Variants in NCOR2 observed in about 807,000 individuals in gnomAD.
NCOR2 encodes nuclear receptor corepressor 2, also known as CTG repeat protein 26.
In NCOR2, 81 loss-of-function variants were observed where a neutral mutation model predicts 262.9. The ratio of observed to expected loss-of-function variants is 0.31; its 90% CI spans 0.26 to 0.37. The LOEUF (loss-of-function observed/expected upper bound fraction) is 0.37, where lower values mean the gene tolerates loss of function less well. Among genes scored for constraint, NCOR2 ranks in the 10% least tolerant of loss-of-function variants. The probability of loss-of-function intolerance (pLI) is 1.00; values close to 1 mark genes in which losing one functional copy is unlikely to be tolerated. For missense variants in NCOR2, 3,385 were observed against 3,621.4 expected (o/e 0.93, Z 1.68); for synonymous variants, 1,659 against 1,559.3 (o/e 1.06, Z -1.51).
chr12:124,349,524 G>C (rs990012961), intron 28 of NCOR2, among the ~76,000 whole-genome samples: 1 of 152,182 alleles, frequency 6.6e-6, no homozygotes, highest in African/African-American at 2.4e-5. Flanking sequence ...CTGGCTGACC[G>C]GTGGCCGCAG....
chr12:124,492,474 G>A (rs1175794469), intron 1 of NCOR2, among the ~76,000 whole-genome samples: 3 of 152,190 alleles, frequency 2.0e-5, no homozygotes, highest in Admixed American at 6.5e-5. Flanking sequence ...CCAGACAGGA[G>A]GAGCTGTCCC....
rs541698609 is a variant in NCOR2, at chr12:124,438,181, C to T, written c.816-185G>A. ...CTGCCAACGTGCATCCTTACTCCCC[C>T]GCGCGCGAGGCAGCCCCCGCCAACG... On this transcript the variant is annotated intron_variant, in intron 7 of 46. Coordinates refer to ENST00000405201, the Ensembl canonical transcript of NCOR2. Among the ~76,000 whole-genome samples, 49 of 152,240 alleles carry T rather than the reference C, an allele frequency of 3.2e-4. No homozygotes were observed. The East Asian group carries it at 7.4e-3, about 23-fold the overall frequency.
At chr12:124,401,771 C>T (rs1435449673) in intron 14 of NCOR2, among the ~76,000 whole-genome samples, 2 of 152,212 alleles carry the variant, frequency 1.3e-5, no homozygotes, top group African/African-American at 2.4e-5. Context: ...TTGCTGGAAG[C>T]GTCTGGGAGA....
chr12:124,452,467 G>A (rs190386074), intron 6 of NCOR2, among the ~76,000 whole-genome samples: 5 of 152,340 alleles, frequency 3.3e-5, no homozygotes, highest in East Asian at 1.9e-4. Flanking sequence ...CTCCAGCCTC[G>A]GTTTCCTCAT....
At position 124,432,880 on chromosome 12, in the gene NCOR2, G is replaced by A. The variant is rs1038654419; in HGVS notation, c.883-2093C>T. 3.4e-5 allele frequency among the ~76,000 whole-genome samples: 5 copies of A among 145,050 alleles called. No homozygotes were observed. Among genetic ancestry groups the A allele is most frequent in the East Asian group, 2.0e-4 (1 of 4,964 alleles). On this transcript the variant is annotated intron_variant, in intron 8 of 46. Coordinates refer to ENST00000405201, the Ensembl canonical transcript of NCOR2. This position sits in a 1 kb window ranked among gnomAD's most constrained non-coding sequence, Gnocchi z 5.1. ...GCGGCGGGGGGCGGGGGGTGGGGGC[G>A]GGGAAGGGGACGCAGGGCGAGCCAC...
chr12:124,358,260 T>G (rs951695382), intron 22 of NCOR2, among the ~76,000 whole-genome samples: 11 of 148,368 alleles, frequency 7.4e-5, no homozygotes, highest in Non-Finnish European at 1.3e-4. Flanking sequence ...GTACACAATG[T>G]TGAAGGACGT....
intron 1 of NCOR2, among the ~76,000 whole-genome samples, chr12:124,559,454 G>A (rs866676941): frequency 1.3e-5 from 2 of 152,124 alleles, no homozygotes; most frequent in South Asian, 4.1e-4. Flanking sequence ...TTCCCAAGTC[G>A]GACCCCAAAA....
intron 8 of NCOR2, among the ~76,000 whole-genome samples, 161 bp from the exon 11 acceptor site, chr12:124,430,948 A>C (rs555597401): frequency 3.1e-4 from 47 of 152,298 alleles, no homozygotes; most frequent in Middle Eastern, 3.4e-3. Context: ...ACACAGACAC[A>C]TACATACAGG....
chr12:124,413,340 C>T (rs991773661), intron 13 of NCOR2, among the ~76,000 whole-genome samples: 1 of 152,204 alleles, frequency 6.6e-6, no homozygotes, highest in Admixed American at 6.5e-5. Flanking sequence ...GATCCCTTTA[C>T]CCTATTTTCG....
At chr12:124,460,366 T>G (rs947880572) in intron 5 of NCOR2, among the ~76,000 whole-genome samples, 18 of 152,230 alleles carry the variant, frequency 1.2e-4, no homozygotes, top group Non-Finnish European at 2.4e-4. Context: ...CCCAGAACCC[T>G]GTCCTCTCTC....
Position 124,328,098 on chromosome 12 carries a change from A to C in NCOR2, c.6959-465T>G, listed in dbSNP as rs377610516. The stretch of plus-strand genomic sequence containing the variant: ...TACCCTGTTTGGGGAACAGGCTGCT[A>C]GAAAATTGGCTCAAGCCAGAGCTGG... On this transcript the variant is annotated intron_variant, in intron 44 of 46. Transcript: ENST00000405201. Among the ~76,000 whole-genome samples, 26 of 152,026 alleles carry C rather than the reference A, an allele frequency of 1.7e-4. 1 individual carries two copies. The East Asian group carries it at 2.5e-3, about 15-fold the overall frequency.
chr12:124,430,879 G>C (rs1428132026), intron 8 of NCOR2, 92 bp from the exon 11 acceptor site: 25 of 1,459,638 alleles, frequency 1.7e-5, no homozygotes, highest in Non-Finnish European at 2.1e-5. Context: ...CAGACACACA[G>C]GTGCGTGCGC....
chr12:124,528,330 T>C (rs1362576948), intron 1 of NCOR2, among the ~76,000 whole-genome samples: 1 of 152,192 alleles, frequency 6.6e-6, no homozygotes, highest in East Asian at 1.9e-4. Flanking sequence ...GCTGACTTCA[T>C]TACTTATTTA....
chr12:124,422,575 G>GGC lies in NCOR2; in HGVS notation c.1329-22_1329-21dup. On this transcript the variant is annotated intron_variant, in intron 11 of 46. Transcript: ENST00000405201. ...ATGAACCTGCGGGACGAGAAGGGTGGGCGTGAGACCTGGCCGAGGGGGGCT... is the reference window on the plus strand; with the variant it reads ...ATGAACCTGCGGGACGAGAAGGGTGGGCGCGTGAGACCTGGCCGAGGGGGGCT... 6.2e-7 allele frequency: 1 copy of GGC among 1,613,652 alleles called. No individual in the cohort carries two copies. The highest frequency in any genetic ancestry group is 2.2e-5 in the East Asian group (1 of 44,866).
intron 8 of NCOR2, 145 bp downstream of exon 10, chr12:124,437,785 C>T (rs984323980): frequency 1.5e-5 from 8 of 517,140 alleles, no homozygotes; most frequent in African/African-American, 1.4e-4. Context: ...CTTTCCTGGC[C>T]GGCCTTGGCT....
intron 17 of NCOR2, among the ~76,000 whole-genome samples, chr12:124,385,207 G>C (rs2040710208): frequency 6.6e-6 from 1 of 152,182 alleles, no homozygotes; most frequent in Non-Finnish European, 1.5e-5. Context: ...GAGGAGGGAA[G>C]GGTCTCAGCC....
intron 20 of NCOR2, among the ~76,000 whole-genome samples, chr12:124,368,682 C>T (rs1425400057): frequency 5.3e-5 from 8 of 152,228 alleles, no homozygotes; most frequent in African/African-American, 1.9e-4. Context: ...CACACTAAGG[C>T]TCTCATTGCC....
chr12:124,407,792 T>C (rs2042356526), intron 13 of NCOR2, among the ~76,000 whole-genome samples: 2 of 152,246 alleles, frequency 1.3e-5, no homozygotes, highest in Non-Finnish European at 2.9e-5. Context: ...ACTGAGCATC[T>C]ACCATGTGCC....
chr12:124,326,137 C>A (rs1283839839), intron 46 of NCOR2, 54 bp downstream of exon 48: 1 of 1,418,802 alleles, frequency 7.0e-7, no homozygotes, highest in Non-Finnish European at 9.2e-7. Flanking sequence ...GCAGCATTCA[C>A]AGCCCAGTGT....
Sources: allele counts gnomAD v4.1 joint callset (sites outside exome capture counted in the v4.1 genomes callset), GRCh38; gene constraint gnomAD v4.1.1; non-coding constraint Gnocchi (gnomAD v3.1); transcripts MANE v1.5; gene names NCBI Gene and HGNC (gene_info 2026-07-23, HGNC 2026-07-21).